PRKN: variants seen among roughly 807,000 people sequenced by gnomAD.
PRKN encodes parkin RBR E3 ubiquitin protein ligase, also known as E3 ubiquitin-protein ligase parkin.
PRKN carries 56 observed loss-of-function variants against 59.5 expected under a neutral mutation model. The ratio of observed to expected loss-of-function variants is 0.94; its 90% CI spans 0.76 to 1.18. The LOEUF (loss-of-function observed/expected upper bound fraction) is 1.18. Ranked by LOEUF, PRKN falls within the 50% of genes most tolerant of loss-of-function variation. The pLI is 0.00. For synonymous variants in PRKN, 250 were observed against 222.1 expected (o/e 1.13, Z -1.12); for missense variants, 657 against 596.4 (o/e 1.10, Z -1.06).
Position 161,350,005 on chromosome 6 carries a change from T to C in PRKN, c.*94A>G, listed in dbSNP as rs62637702. On this transcript the variant is annotated 3_prime_UTR_variant, in exon 12 of 12. Coordinates refer to ENST00000366898, the MANE Select transcript of PRKN (RefSeq NM_004562.3). ...AAGAGTGTGTGTGCGCGCGCGCGCGTGTGTGTGTGTGTTTGAAAAGAGAAT... is the reference window on the plus strand; with the variant it reads ...AAGAGTGTGTGTGCGCGCGCGCGCGCGTGTGTGTGTGTTTGAAAAGAGAAT... 0.026 allele frequency: 17,869 copies of C among 684,804 alleles called. 228 individuals carry two copies. The highest frequency in any genetic ancestry group is 0.042 in the South Asian group (2,492 of 59,548). 42.4% of individuals were successfully genotyped at this position (684,804 alleles called of 1,614,324 possible).
At chr6:161,798,523 C>G (rs1790946489) in intron 6 of PRKN, among the ~76,000 whole-genome samples, 1 of 152,136 alleles carries the variant, frequency 6.6e-6, no homozygotes, top group African/African-American at 2.4e-5. Flanking sequence ...TTATCGAAAG[C>G]TTGTAGGACT....
At chr6:162,325,605 C>T (rs1366749108) in intron 2 of PRKN, among the ~76,000 whole-genome samples, 1 of 152,132 alleles carries the variant, frequency 6.6e-6, no homozygotes, top group African/African-American at 2.4e-5. Flanking sequence ...ACTAAGTCTG[C>T]AGCACAGTCC....
chr6:161,937,002 T>C (rs1277104333), intron 6 of PRKN, among the ~76,000 whole-genome samples: 1 of 152,002 alleles, frequency 6.6e-6, no homozygotes, highest in Non-Finnish European at 1.5e-5. Context: ...GCCAGGTTGG[T>C]CATGAACTCC....
At chr6:162,333,228 C>CTT (rs200926335) in intron 2 of PRKN, among the ~76,000 whole-genome samples, 9 of 137,984 alleles carry the variant, frequency 6.5e-5, no homozygotes, top group Admixed American at 1.5e-4. Flanking sequence ...ACATTAAAAT[C>CTT]TTTTTTTTTT....
intron 4 of PRKN, among the ~76,000 whole-genome samples, chr6:162,174,144 A>C (rs1295261392): frequency 6.6e-6 from 1 of 152,198 alleles, no homozygotes; most frequent in Admixed American, 6.5e-5. Flanking sequence ...ATACAGTTTA[A>C]AGGTAGAATT....
chr6:162,333,995 C>T (rs1783713816), intron 2 of PRKN, among the ~76,000 whole-genome samples: 1 of 152,172 alleles, frequency 6.6e-6, no homozygotes, highest in South Asian at 2.1e-4. Context: ...GAAACAGCCA[C>T]AACATTCCCT....
chr6:161,828,510 G>T (rs1481991088), intron 6 of PRKN, among the ~76,000 whole-genome samples: 2 of 152,152 alleles, frequency 1.3e-5, no homozygotes, highest in Non-Finnish European at 2.9e-5. Context: ...ACGCCACTGT[G>T]CTTCTGCCCA....
chr6:162,296,118 G>C (rs950346758), intron 2 of PRKN, among the ~76,000 whole-genome samples: 2 of 152,102 alleles, frequency 1.3e-5, no homozygotes, highest in African/African-American at 2.4e-5. Flanking sequence ...AAGGAGGGGA[G>C]AGGGACAGTA....
intron 4 of PRKN, among the ~76,000 whole-genome samples, chr6:162,080,295 TA>T (rs1448013259): frequency 7.2e-5 from 11 of 152,090 alleles, no homozygotes; most frequent in African/African-American, 2.7e-4. Context: ...AGGTGTAAAA[TA>T]AGAAATAGTA....
chr6:161,643,157 T>C (rs1405503630), intron 7 of PRKN, among the ~76,000 whole-genome samples: 2 of 152,234 alleles, frequency 1.3e-5, no homozygotes, highest in African/African-American at 2.4e-5. Flanking sequence ...TCACTCAACT[T>C]AGTTTTTTGT....
chr6:162,215,327 G>A (rs910847247), intron 3 of PRKN, among the ~76,000 whole-genome samples: 1 of 152,022 alleles, frequency 6.6e-6, no homozygotes, highest in African/African-American at 2.4e-5. Context: ...CTAATGGTGT[G>A]GTATAAAAAA....
intron 6 of PRKN, among the ~76,000 whole-genome samples, chr6:161,923,142 C>T (rs1778844634): frequency 6.6e-6 from 1 of 152,228 alleles, no homozygotes; most frequent in African/African-American, 2.4e-5. Flanking sequence ...CACTCCATAG[C>T]ATACAATCCT....
At position 161,480,832 on chromosome 6, in the gene PRKN, A is replaced by G. The variant is rs1373185176; in HGVS notation, c.1083+68022T>C. 6.6e-6 allele frequency among the ~76,000 whole-genome samples: 1 copy of G among 152,276 alleles called. No homozygotes were observed. Among genetic ancestry groups the G allele is most frequent in the African/African-American group, 2.4e-5 (1 of 41,478 alleles). ...TAAAGAAAAGCAGGCACCGCTTTTA[A>G]TTTCATTGCTATAACTAATTAGCAT... On this transcript the variant is annotated intron_variant, in intron 9 of 11. Coordinates refer to ENST00000366898, the MANE Select transcript of PRKN (RefSeq NM_004562.3). The surrounding 1 kb of genome is among the most constrained non-coding windows in gnomAD (Gnocchi z 4.1).
intron 4 of PRKN, among the ~76,000 whole-genome samples, chr6:162,146,595 C>G (rs1035167941): frequency 3.9e-5 from 6 of 151,998 alleles, no homozygotes; most frequent in African/African-American, 1.4e-4. Flanking sequence ...AGTTCCACCT[C>G]CCAGGTTCAA....
Position 161,467,124 on chromosome 6 carries a change from A to G in PRKN, c.1084-80247T>C, listed in dbSNP as rs879257978. Among the ~76,000 whole-genome samples, 1 of 152,150 alleles carries G rather than the reference A, an allele frequency of 6.6e-6. No homozygotes were observed. Among genetic ancestry groups the G allele is most frequent in the Non-Finnish European group, 1.5e-5 (1 of 68,034 alleles). ...AAAGCCTCTCTCATTACTGCTCATC[A>G]GTGTCCTGCTGCTGGGGGAGCCATT... On this transcript the variant is annotated intron_variant, in intron 9 of 11. Transcript: ENST00000366898. This position sits in a 1 kb window ranked among gnomAD's most constrained non-coding sequence, Gnocchi z 4.3.
chr6:161,600,219 T>C (rs185578432), intron 7 of PRKN, among the ~76,000 whole-genome samples: 1 of 152,282 alleles, frequency 6.6e-6, no homozygotes, highest in East Asian at 1.9e-4. Flanking sequence ...CTCTACCCCT[T>C]TTCTTTGTGC....
chr6:161,765,361 T>G (rs1789379378), intron 7 of PRKN, among the ~76,000 whole-genome samples: 1 of 152,238 alleles, frequency 6.6e-6, no homozygotes, highest in Admixed American at 6.5e-5. Flanking sequence ...AGATTATATC[T>G]TAGCTGGTTG....
At chr6:161,649,849 C>T (rs1246902206) in intron 7 of PRKN, among the ~76,000 whole-genome samples, 49 of 152,206 alleles carry the variant, frequency 3.2e-4, no homozygotes, top group Admixed American at 3.2e-3. Flanking sequence ...AGTGTCTCAA[C>T]CAACAGGGTA....
At chr6:161,418,435 C>T (rs953285974) in intron 9 of PRKN, among the ~76,000 whole-genome samples, 21 of 152,318 alleles carry the variant, frequency 1.4e-4, no homozygotes, top group South Asian at 1.0e-3. Context: ...TCGGCCTTGA[C>T]GTGGTTTGAT....
Sources: gnomAD v4.1 joint callset for allele counts (sites outside exome capture counted in the v4.1 genomes callset) on GRCh38, gnomAD v4.1.1 for gene constraint, Gnocchi (gnomAD v3.1) non-coding constraint, MANE v1.5 for transcripts, NCBI Gene and HGNC (gene_info 2026-07-23, HGNC 2026-07-21) for gene names.